Variants in RBM38 observed in about 807,000 individuals in gnomAD.
RBM38 encodes RNA binding motif protein 38, also known as RNA-binding protein 38.
RBM38 carries 11 observed loss-of-function variants against 23.5 expected under a neutral mutation model. The ratio of observed to expected loss-of-function variants is 0.47; its 90% confidence interval spans 0.29 to 0.77. RBM38 has a LOEUF of 0.77. Ranked by LOEUF, RBM38 falls within the 30% of genes least tolerant of loss-of-function variation. The probability of loss-of-function intolerance (pLI) is 0.08; values close to 1 mark genes in which losing one functional copy is unlikely to be tolerated. For synonymous variants in RBM38, 165 were observed against 166.1 expected, an observed-to-expected ratio of 0.99 and a Z score of 0.05; for missense variants, 330 against 351.9, an observed-to-expected ratio of 0.94 and a Z score of 0.50.
Position 57,407,481 on chromosome 20 carries a change from G to T in RBM38, c.417-62G>T. The T allele has an allele frequency of 6.4e-7, 1 of 1,553,558 alleles. No individual in the cohort carries two copies. Among genetic ancestry groups the T allele is most frequent in the Non-Finnish European group, 8.8e-7 (1 of 1,138,942 alleles). On this transcript the variant is annotated intron_variant, in intron 3 of 3. Transcript: ENST00000356208. The surrounding 1 kb of genome is among the most constrained non-coding windows in gnomAD (Gnocchi z 4.0). ...GGCGGCACGCATCGTGTACCCCACT[G>T]TTCTCCCAGCTGTATTCCCCAACTC...
At chr20:57,402,866 C>T (rs144632559) in intron 3 of RBM38, among the ~76,000 whole-genome samples, 9 of 152,358 alleles carry the variant, frequency 5.9e-5, no homozygotes, top group East Asian at 1.9e-4. Context: ...TCTTTGTGGC[C>T]GCCCGGCGTG....
chr20:57,406,537 C>T (rs756843458), intron 3 of RBM38, among the ~76,000 whole-genome samples: 3 of 152,268 alleles, frequency 2.0e-5, no homozygotes, highest in South Asian at 2.1e-4. Flanking sequence ...AGTCACAGTA[C>T]GGGTCTCCCC....
At chr20:57,406,007 A>G (rs2067379855) in intron 3 of RBM38, among the ~76,000 whole-genome samples, 1 of 152,192 alleles carries the variant, frequency 6.6e-6, no homozygotes, top group African/African-American at 2.4e-5. Context: ...GCCCCTGCCT[A>G]CAGGTCAGAA....
chr20:57,392,772 A>C lies in RBM38; in HGVS notation c.356A>C (p.Gln119Pro). The change falls in exon 2 of 4, where the codon CAG (glutamine) becomes CCG (proline). Residue 119 changes from glutamine (Q) to proline (P), a missense_variant. Physicochemically the swap from Gln to Pro is moderately conservative, Grantham distance 76 (BLOSUM62 -1). Around this residue, in one of 3 missense-constraint regions of RBM38, gnomAD observed 227 missense variants for 216.4 expected, o/e 1.05. Transcript: ENST00000356208. ...AYLGAKPRSL[Q>P]TGFAIGVQQL... The stretch of plus-strand genomic sequence containing the variant: ...CTGGGCGCCAAGCCGCGGAGCCTCC[A>C]GACGGGTGAGAGCTTGTGTTTTCCT... 6.2e-7 allele frequency: 1 copy of C among 1,612,878 alleles called. No homozygotes were observed. The highest frequency in any genetic ancestry group is 2.2e-5 in the East Asian group (1 of 44,884).
intron 3 of RBM38, among the ~76,000 whole-genome samples, chr20:57,401,079 G>T (rs1482592717): frequency 2.6e-5 from 4 of 151,806 alleles, no homozygotes; most frequent in Non-Finnish European, 5.9e-5. Context: ...ACCTGACTGC[G>T]CCTGGCCGCT....
At chr20:57,406,768 C>T (rs1444513845) in intron 3 of RBM38, among the ~76,000 whole-genome samples, 7 of 151,944 alleles carry the variant, frequency 4.6e-5, no homozygotes, top group Non-Finnish European at 8.8e-5. Context: ...CCGAGGTGGG[C>T]GGATCATGAG....
At position 57,408,525 on chromosome 20, in the gene RBM38, AAT is replaced by A. The variant is rs2067412273; in HGVS notation, c.*680_*681del. ...CTTGTAATTGTTTTGCTACTAAGAT[AAT>A]TTCAGAAGTTCAGTCTATTTTTTCA... On this transcript the variant is annotated 3_prime_UTR_variant, in exon 4 of 4. Coordinates refer to ENST00000356208, the MANE Select transcript of RBM38 (RefSeq NM_017495.6). 1 of 152,422 alleles carries A rather than the reference AAT, an allele frequency of 6.6e-6. No homozygotes were observed. Among genetic ancestry groups the A allele is most frequent in the Non-Finnish European group, 1.5e-5 (1 of 68,176 alleles). The allele number at this position is 152,422 out of a possible 1,614,324, so 9.4% of individuals were successfully genotyped here. A position where few individuals can be genotyped will look rare whatever the true frequency, so the allele number is the denominator to read the frequency against.
intron 3 of RBM38, among the ~76,000 whole-genome samples, chr20:57,401,951 CGTTT>C (rs536454699): frequency 4.0e-4 from 61 of 152,090 alleles, no homozygotes; most frequent in Non-Finnish European, 7.7e-4. Flanking sequence ...TTGATGTTTT[CGTTT>C]GTTTGTTTTT....
chr20:57,400,774 TAGA>T (rs2146212331), intron 3 of RBM38, among the ~76,000 whole-genome samples: 1 of 152,128 alleles, frequency 6.6e-6, no homozygotes, highest in South Asian at 2.1e-4. Context: ...GGTGGGAGGA[TAGA>T]AGTTTTCTGC....
rs1474902171 is a variant in RBM38, at chr20:57,407,969, C to T, written c.*123C>T. ...TGAGGTGCCACCAGCACCCGTGCCT[C>T]CGAAGACCGCTCGGGCATTCCGCCT... On this transcript the variant is annotated 3_prime_UTR_variant, in exon 4 of 4. Coordinates refer to ENST00000356208, the MANE Select transcript of RBM38 (RefSeq NM_017495.6). The surrounding 1 kb of genome is among the most constrained non-coding windows in gnomAD (Gnocchi z 4.0). The T allele has an allele frequency of 1.6e-6, 2 of 1,238,360 alleles. No homozygotes were observed. Among genetic ancestry groups the T allele is most frequent in the East Asian group, 5.1e-5 (2 of 39,112 alleles). The allele number at this position is 1,238,360 out of a possible 1,614,324, so 76.7% of individuals were successfully genotyped here.
At position 57,393,264 on chromosome 20, in the gene RBM38, G is replaced by T. The variant is rs774359551; in HGVS notation, c.362-15G>T. The T allele has an allele frequency of 4.3e-6, 7 of 1,613,460 alleles. No homozygotes were observed. The highest frequency in any genetic ancestry group is 1.3e-5 in the African/African-American group (1 of 74,904). On this transcript the variant is annotated splice_polypyrimidine_tract_variant and intron_variant, in intron 2 of 3. Transcript: ENST00000356208. ...GTGCAGCAAGGCCAAGTCCCTGATT[G>T]TTCTCTCGTTTTAGGCTTTGCCATT... is the stretch of plus-strand genomic sequence containing the variant.
chr20:57,399,988 A>T (rs1168502400), intron 3 of RBM38: 1 of 456,192 alleles, frequency 2.2e-6, no homozygotes, highest in South Asian at 1.5e-5. Flanking sequence ...TTTCGCTGCG[A>T]GTTCTGCTTT....
intron 3 of RBM38, among the ~76,000 whole-genome samples, chr20:57,394,818 C>T (rs2067258041): frequency 1.3e-5 from 2 of 152,060 alleles, no homozygotes; most frequent in Admixed American, 6.5e-5. Context: ...ATGGACTGGG[C>T]GGGAGCAGCT....
intron 3 of RBM38, among the ~76,000 whole-genome samples, chr20:57,405,212 AT>A (rs2067369647): frequency 6.6e-6 from 1 of 152,050 alleles, no homozygotes; most frequent in African/African-American, 2.4e-5. Flanking sequence ...ACTCTGGTTT[AT>A]GGGTTGGTGC....
At chr20:57,392,605 G>GCCCCTGGTTCC (rs2067231626) in intron 1 of RBM38, 49 bp from the exon 2 acceptor site, 1 of 1,571,704 alleles carries the variant, frequency 6.4e-7, no homozygotes, top group African/African-American at 1.4e-5. Flanking sequence ...TGCCCCTTTC[G>GCCCCTGGTTCC]CCCCTGGTTC....
At chr20:57,395,241 G>A (rs1404673952) in intron 3 of RBM38, among the ~76,000 whole-genome samples, 1 of 152,090 alleles carries the variant, frequency 6.6e-6, no homozygotes, top group African/African-American at 2.4e-5. Context: ...GCGGGTGGCA[G>A]GGCCAGGGTG....
rs2067396937 is a variant in RBM38, at chr20:57,407,430, G to A, written c.417-113G>A. Reference sequence around the variant, plus strand: ...CTGTTTCTGTGCCCATCTGACCGATGAGGAAAGTCGGGGCTCGGGGTGGGG... The same window carrying A: ...CTGTTTCTGTGCCCATCTGACCGATAAGGAAAGTCGGGGCTCGGGGTGGGG... On this transcript the variant is annotated intron_variant, in intron 3 of 3. Coordinates refer to ENST00000356208, the MANE Select transcript of RBM38 (RefSeq NM_017495.6). This position sits in a 1 kb window ranked among gnomAD's most constrained non-coding sequence, Gnocchi z 4.0. 1 of 1,241,280 alleles carries A rather than the reference G, an allele frequency of 8.1e-7. No homozygotes were observed. Among genetic ancestry groups the A allele is most frequent in the South Asian group, 1.4e-5 (1 of 69,344 alleles). 76.9% of individuals were successfully genotyped at this position (1,241,280 alleles called of 1,614,324 possible).
intron 3 of RBM38, among the ~76,000 whole-genome samples, chr20:57,399,087 A>C (rs1433284828): frequency 6.6e-6 from 1 of 152,112 alleles, no homozygotes; most frequent in Non-Finnish European, 1.5e-5. Context: ...TGAGAGGAGG[A>C]CAGAGACAAA....
intron 3 of RBM38, among the ~76,000 whole-genome samples, chr20:57,398,359 C>T (rs962240408): frequency 2.0e-5 from 3 of 152,112 alleles, no homozygotes; most frequent in African/African-American, 4.8e-5. Context: ...TGGGGAAGAG[C>T]GAGCAGCCCA....
Sources: allele counts gnomAD v4.1 joint callset (sites outside exome capture counted in the v4.1 genomes callset), GRCh38; gene constraint gnomAD v4.1.1; regional missense constraint gnomAD v4.1.1; non-coding constraint Gnocchi (gnomAD v3.1); transcripts MANE v1.5; gene names NCBI Gene and HGNC (gene_info 2026-07-23, HGNC 2026-07-21).